The following ADGRL3 variants were observed in gnomAD, a reference collection of about 807,000 sequenced individuals.
ADGRL3 encodes the protein adhesion G protein-coupled receptor L3.
In ADGRL3, 62 loss-of-function variants were observed where a neutral mutation model predicts 153.5. The observed-to-expected ratio is 0.40, with a 90% CI of 0.33 to 0.50. The LOEUF is 0.50. ADGRL3 is among the 20% of genes least tolerant of loss of function. The probability of loss-of-function intolerance (pLI) is 0.47; values close to 1 mark genes in which losing one functional copy is unlikely to be tolerated. For missense variants in ADGRL3, 1,641 were observed against 1,859.4 expected (o/e 0.88, Z 2.16); for synonymous variants, 710 against 672.5 (o/e 1.06, Z -0.86).
At chr4:61,742,435 C>T (rs1463999094) in intron 8 of ADGRL3, among the ~76,000 whole-genome samples, 9 of 152,100 alleles carry the variant, frequency 5.9e-5, no homozygotes, top group South Asian at 4.2e-4. Context: ...CCCGCCACCA[C>T]GCCCGGCTAA....
chr4:61,313,614 G>A (rs1410848617), intron 1 of ADGRL3, among the ~76,000 whole-genome samples: 2 of 152,108 alleles, frequency 1.3e-5, no homozygotes, highest in African/African-American at 4.8e-5. Flanking sequence ...TTACCACAGA[G>A]TAAGTGATGT....
At chr4:61,667,225 A>G (rs17090523) in intron 5 of ADGRL3, among the ~76,000 whole-genome samples, 2,632 of 152,232 alleles carry the variant, frequency 0.017, 83 homozygotes, top group African/African-American at 0.06. Flanking sequence ...CTTCTTTGCA[A>G]GATTACCACA....
At chr4:61,914,396 A>G (rs185974995) in intron 13 of ADGRL3, among the ~76,000 whole-genome samples, 2 of 152,242 alleles carry the variant, frequency 1.3e-5, no homozygotes, top group South Asian at 2.1e-4. Flanking sequence ...TATTTTATAT[A>G]AGTTTTATGT....
intron 4 of ADGRL3, among the ~76,000 whole-genome samples, chr4:61,574,011 A>G (rs2098850335): frequency 6.6e-6 from 1 of 152,002 alleles, no homozygotes; most frequent in Non-Finnish European, 1.5e-5. Flanking sequence ...TTCATAGTTT[A>G]TTTTTAAAAT....
chr4:61,749,423 T>C (rs913572687), intron 8 of ADGRL3, among the ~76,000 whole-genome samples: 2 of 152,262 alleles, frequency 1.3e-5, no homozygotes, highest in East Asian at 1.9e-4. Context: ...ATGTTTATTG[T>C]GGCACTATGC....
At chr4:62,035,494 GA>G (rs1355854879) in intron 23 of ADGRL3, among the ~76,000 whole-genome samples, 3 of 152,006 alleles carry the variant, frequency 2.0e-5, no homozygotes, top group Non-Finnish European at 4.4e-5. Flanking sequence ...AATAATGCGG[GA>G]TGTTGCAGGG....
At chr4:61,643,953 G>C (rs1245111947) in intron 5 of ADGRL3, among the ~76,000 whole-genome samples, 2 of 126,186 alleles carry the variant, frequency 1.6e-5, no homozygotes, top group East Asian at 4.4e-4. Flanking sequence ...ATTGATTATT[G>C]CCACAATTTC....
At chr4:61,998,045 T>C in intron 20 of ADGRL3, 129 bp from the exon 21 acceptor site, 1 of 459,290 alleles carries the variant, frequency 2.2e-6, no homozygotes, top group Non-Finnish European at 3.9e-6. Context: ...GGCAGTCATC[T>C]ACGATCCAAT....
At chr4:61,600,838 A>G (rs1446820959) in intron 5 of ADGRL3, among the ~76,000 whole-genome samples, 1 of 152,228 alleles carries the variant, frequency 6.6e-6, no homozygotes, top group Non-Finnish European at 1.5e-5. Context: ...ACGTTCTAAA[A>G]AAAACATGGT....
chr4:61,326,780 T>C (rs2095474960), intron 1 of ADGRL3, among the ~76,000 whole-genome samples: 1 of 152,096 alleles, frequency 6.6e-6, no homozygotes, highest in African/African-American at 2.4e-5. Flanking sequence ...CAGTATGTGT[T>C]AAAATTGAAC....
At chr4:61,652,101 T>A (rs984979592) in intron 5 of ADGRL3, among the ~76,000 whole-genome samples, 1 of 152,146 alleles carries the variant, frequency 6.6e-6, no homozygotes, top group African/African-American at 2.4e-5. Flanking sequence ...CTAAAAGAAC[T>A]GGAAAAAATG....
chr4:61,338,288 A>G (rs2095726334), intron 1 of ADGRL3, among the ~76,000 whole-genome samples: 2 of 151,944 alleles, frequency 1.3e-5, no homozygotes. Context: ...AAAAAAAAAA[A>G]AAGACTTCCA....
At chr4:61,735,555 C>A (rs2096497051) in intron 8 of ADGRL3, among the ~76,000 whole-genome samples, 1 of 152,096 alleles carries the variant, frequency 6.6e-6, no homozygotes. Flanking sequence ...GAAGACACTC[C>A]TTTCATAGCT....
chr4:61,298,759 G>A lies in ADGRL3; in HGVS notation c.-239-84365G>A, dbSNP rs906641717. Among the ~76,000 whole-genome samples the A allele has an allele frequency of 3.9e-5, 6 of 152,250 alleles. 1 individual carries two copies. In the South Asian group the frequency reaches 6.2e-4, roughly 16 times the overall value. Reference sequence around the variant, plus strand: ...ATATTCAGTAGAAATCCCATTGTACGTTTTGACAGGTAGGGAAAAGCAGTA... The same window carrying A: ...ATATTCAGTAGAAATCCCATTGTACATTTTGACAGGTAGGGAAAAGCAGTA... On this transcript the variant is annotated intron_variant, in intron 1 of 26. Transcript: ENST00000683033.
intron 17 of ADGRL3, among the ~76,000 whole-genome samples, chr4:61,956,618 A>G (rs915545579): frequency 1.3e-5 from 2 of 152,116 alleles, no homozygotes; most frequent in African/African-American, 4.8e-5. Context: ...GCCCATGCTT[A>G]TGTCCCAAAC....
At chr4:61,954,836 G>A (rs2150388866) in intron 17 of ADGRL3, among the ~76,000 whole-genome samples, 1 of 152,166 alleles carries the variant, frequency 6.6e-6, no homozygotes, top group East Asian at 1.9e-4. Context: ...TAAAATTTTA[G>A]ATTGCCCCAT....
chr4:61,446,594 G>A (rs548273033), intron 2 of ADGRL3, among the ~76,000 whole-genome samples: 1 of 152,260 alleles, frequency 6.6e-6, no homozygotes, highest in African/African-American at 2.4e-5. Flanking sequence ...CTGGCGCCAT[G>A]TTGCCTTGAT....
At chr4:61,368,321 G>T (rs2151640243) in intron 1 of ADGRL3, among the ~76,000 whole-genome samples, 1 of 152,268 alleles carries the variant, frequency 6.6e-6, no homozygotes, top group African/African-American at 2.4e-5. Flanking sequence ...GTCCTGAATG[G>T]TAATGCCTAG....
chr4:61,319,314 T>G (rs2095305915), intron 1 of ADGRL3, among the ~76,000 whole-genome samples: 1 of 152,196 alleles, frequency 6.6e-6, no homozygotes, highest in African/African-American at 2.4e-5. Context: ...AATCACTAAG[T>G]AATTTGAAAA....
Sources: allele counts gnomAD v4.1 joint callset (sites outside exome capture counted in the v4.1 genomes callset), GRCh38; gene constraint gnomAD v4.1.1; transcripts MANE v1.5; gene names NCBI Gene and HGNC (gene_info 2026-07-23, HGNC 2026-07-21).